CALCR: variants seen among roughly 807,000 people sequenced by gnomAD.
CALCR encodes calcitonin receptor.
A neutral mutation model predicts 59.5 loss-of-function variants in CALCR; 47 were observed. That is an observed-to-expected ratio of 0.79 (90% CI 0.63 to 1.01). CALCR has a LOEUF of 1.01. Ranked by LOEUF, CALCR falls within the 50% of genes least tolerant of loss-of-function variation. The pLI is 0.00. For synonymous variants in CALCR, 213 were observed against 211.3 expected, an observed-to-expected ratio of 1.01 and a Z score of -0.07; for missense variants, 566 against 597.1, an observed-to-expected ratio of 0.95 and a Z score of 0.54.
intron 2 of CALCR, among the ~76,000 whole-genome samples, chr7:93,528,300 T>C (rs996650453): frequency 2.8e-4 from 43 of 152,230 alleles, no homozygotes; most frequent in African/African-American, 1.0e-3. Flanking sequence ...TATTATACTT[T>C]AAATTCTAGG....
chr7:93,498,762 T>C (rs192294298), intron 2 of CALCR, among the ~76,000 whole-genome samples: 1 of 151,810 alleles, frequency 6.6e-6, no homozygotes, highest in East Asian at 1.9e-4. Flanking sequence ...TAGACTGTCA[T>C]ATATGAAGAA....
chr7:93,430,225 A>G (rs548862872), intron 13 of CALCR, among the ~76,000 whole-genome samples: 5 of 152,172 alleles, frequency 3.3e-5, no homozygotes, highest in East Asian at 1.9e-4. Context: ...GTGAGCCACC[A>G]CGCCTGGCCT....
intron 6 of CALCR, among the ~76,000 whole-genome samples, chr7:93,469,273 A>C (rs927030216): frequency 6.6e-6 from 1 of 151,440 alleles, no homozygotes; most frequent in Admixed American, 6.6e-5. Context: ...TGATATCATT[A>C]GTATTTAGTT....
intron 2 of CALCR, among the ~76,000 whole-genome samples, chr7:93,539,305 A>G (rs1789069827): frequency 6.6e-6 from 1 of 151,908 alleles, no homozygotes; most frequent in Admixed American, 6.6e-5. Flanking sequence ...ATCATGTTTT[A>G]TGTGTTCAAA....
chr7:93,560,497 C>T (rs532261530), intron 2 of CALCR, among the ~76,000 whole-genome samples: 18 of 152,212 alleles, frequency 1.2e-4, no homozygotes, highest in Admixed American at 5.9e-4. Context: ...CCTTCAGCCA[C>T]GGCCTCCTTT....
intron 2 of CALCR, among the ~76,000 whole-genome samples, chr7:93,529,883 G>A (rs199821835): frequency 2.2e-4 from 34 of 152,224 alleles, no homozygotes; most frequent in Non-Finnish European, 4.1e-4. Flanking sequence ...TGTGTTTAGA[G>A]TAACAATCTA....
In CALCR at chr7:93,425,418, T is replaced by C. The variant is rs912095391; in HGVS notation, c.*938A>G. ...ACCAATATTCAACAAATTTATCTTT[T>C]ACTGCTAGATAGCACCCAAGGGCAA... On this transcript the variant is annotated 3_prime_UTR_variant, in exon 14 of 14. Transcript: ENST00000426151. The C allele has an allele frequency of 3.3e-5, 5 of 152,620 alleles. No homozygotes were observed. The highest frequency in any genetic ancestry group is 5.9e-5 in the Non-Finnish European group (4 of 68,016). The allele number at this position is 152,620 out of a possible 1,614,324, so 9.5% of individuals were successfully genotyped here.
chr7:93,429,148 A>C (rs1335981054), intron 13 of CALCR, among the ~76,000 whole-genome samples: 2 of 152,200 alleles, frequency 1.3e-5, no homozygotes, highest in Non-Finnish European at 2.9e-5. Flanking sequence ...GGAGATGGCA[A>C]TGTGCTTTGA....
chr7:93,573,363 A>G (rs1221918413), intron 2 of CALCR, among the ~76,000 whole-genome samples: 1 of 152,216 alleles, frequency 6.6e-6, no homozygotes. Flanking sequence ...ACTTTGACTT[A>G]TTTTGAACAT....
At chr7:93,478,363 T>A (rs74446872) in intron 4 of CALCR, among the ~76,000 whole-genome samples, 1,794 of 151,960 alleles carry the variant, frequency 0.012, 47 homozygotes, top group South Asian at 0.068. Flanking sequence ...TAACAGAGTA[T>A]ATTTTACCAT....
At chr7:93,567,921 G>A (rs910087715) in intron 2 of CALCR, among the ~76,000 whole-genome samples, 4 of 152,130 alleles carry the variant, frequency 2.6e-5, no homozygotes, top group Non-Finnish European at 5.9e-5. Context: ...AAAATATTTG[G>A]TATATGCAGA....
At position 93,477,643 on chromosome 7, in the gene CALCR, A is replaced by G. The variant is rs139631014; in HGVS notation, c.231T>C (p.Asp77=). The G allele has an allele frequency of 3.3e-5, 53 of 1,611,096 alleles. No homozygotes were observed. The African/African-American group carries it at 6.4e-4, about 19-fold the overall frequency. ...GEGPYCNRTW[D]GWLCWDDTPA... ...GTGTGTCATCCCAGCACAGCCATCCATCCCAGGTGCGATTGCAATATGGAC... is the reference window on the plus strand; with the variant it reads ...GTGTGTCATCCCAGCACAGCCATCCGTCCCAGGTGCGATTGCAATATGGAC... Residue 77 remains aspartate (D), a synonymous_variant, in exon 5 of 14, where the codon GAT becomes GAC. Transcript: ENST00000426151.
chr7:93,523,967 A>G (rs1801820111), intron 2 of CALCR, among the ~76,000 whole-genome samples: 1 of 152,034 alleles, frequency 6.6e-6, no homozygotes, highest in Non-Finnish European at 1.5e-5. Context: ...AAATAATTAC[A>G]GATAATGTAT....
chr7:93,558,591 C>G (rs954729211), intron 2 of CALCR, among the ~76,000 whole-genome samples: 1 of 151,950 alleles, frequency 6.6e-6, no homozygotes. Context: ...TAAATAAAGA[C>G]TCTTATTATA....
At chr7:93,503,157 A>G (rs999067856) in intron 2 of CALCR, among the ~76,000 whole-genome samples, 1 of 152,188 alleles carries the variant, frequency 6.6e-6, no homozygotes, top group African/African-American at 2.4e-5. Flanking sequence ...GGGCAGCTGA[A>G]GCACCCTCTG....
At chr7:93,445,730 C>G (rs1445915083) in intron 8 of CALCR, among the ~76,000 whole-genome samples, 1 of 152,030 alleles carries the variant, frequency 6.6e-6, no homozygotes. Context: ...ACACTGAACT[C>G]TCAACCAATA....
At chr7:93,460,568 A>AT (rs1205349964) in intron 8 of CALCR, among the ~76,000 whole-genome samples, 1,781 of 76,552 alleles carry the variant, frequency 0.023, 10 homozygotes, top group Middle Eastern at 0.027. Flanking sequence ...AAAAAAAAAA[A>AT]AAAAATATAT....
chr7:93,460,590 T>TAC lies in CALCR; in HGVS notation c.648+230_648+231insGT, dbSNP rs71107892. 2.1e-3 allele frequency among the ~76,000 whole-genome samples: 241 copies of TAC among 115,308 alleles called. 3 individuals are homozygous for TAC. Among genetic ancestry groups the TAC allele is most frequent in the African/African-American group, 9.3e-3 (229 of 24,688 alleles). The allele number at this position is 115,308 out of a possible 152,430, so 75.6% of individuals were successfully genotyped here. On this transcript the variant is annotated intron_variant, in intron 8 of 13. Transcript: ENST00000426151. ...AAAAAAAAATATATATATATATATA[T>TAC]ATGTATATATATATATATATATGGT...
chr7:93,471,084 T>A (rs966889835), intron 6 of CALCR, among the ~76,000 whole-genome samples: 1 of 151,792 alleles, frequency 6.6e-6, no homozygotes, highest in African/African-American at 2.4e-5. Flanking sequence ...TTAATCATTA[T>A]ACTAAGTGCC....
Sources: gnomAD v4.1 joint callset for allele counts (sites outside exome capture counted in the v4.1 genomes callset) on GRCh38, gnomAD v4.1.1 for gene constraint, MANE v1.5 for transcripts, NCBI Gene and HGNC (gene_info 2026-07-23, HGNC 2026-07-21) for gene names.